The following TBX15 variants were observed in gnomAD, a reference collection of about 807,000 sequenced individuals.
TBX15 encodes the protein T-box transcription factor TBX15.
In TBX15, 18 loss-of-function variants were observed where a neutral mutation model predicts 53.9. The ratio of observed to expected loss-of-function variants is 0.33; its 90% confidence interval spans 0.23 to 0.49. TBX15 has a LOEUF of 0.49. Among genes scored for constraint, TBX15 ranks in the 20% least tolerant of loss-of-function variants. The pLI is 0.98. For synonymous variants in TBX15, 295 were observed against 278.0 expected (o/e 1.06, Z -0.61); for missense variants, 692 against 749.5 (o/e 0.92, Z 0.90).
Position 118,980,980 on chromosome 1 carries a change from G to A in TBX15, c.205+6611C>T, listed in dbSNP as rs1256144837. ...CCCAAGTAGCTGGGATTACAGGCCC[G>A]CACCACCACACCTGGCTAAAATTTG... On this transcript the variant is annotated intron_variant, in intron 1 of 7. Transcript: ENST00000369429. 3.3e-5 allele frequency among the ~76,000 whole-genome samples: 5 copies of A among 152,026 alleles called. 1 individual carries two copies. The highest frequency in any genetic ancestry group is 6.3e-3 in the Middle Eastern group (2 of 316).
At chr1:118,911,135 T>C (rs1655013548) in intron 6 of TBX15, among the ~76,000 whole-genome samples, 2 of 152,178 alleles carry the variant, frequency 1.3e-5, no homozygotes, top group Admixed American at 1.3e-4. Flanking sequence ...CAGAGTCGGT[T>C]TTAATACCTG....
intron 6 of TBX15, among the ~76,000 whole-genome samples, chr1:118,904,612 G>A (rs534484238): frequency 6.6e-6 from 1 of 152,320 alleles, no homozygotes; most frequent in African/African-American, 2.4e-5. Flanking sequence ...CTTACCAAGT[G>A]ATTCCCAACT....
In TBX15 at chr1:118,926,497, G is replaced by C. The variant is rs1557886967; in HGVS notation, c.521+13C>G. On this transcript the variant is annotated intron_variant, in intron 3 of 7. Coordinates refer to ENST00000369429, the MANE Select transcript of TBX15 (RefSeq NM_001330677.2). The stretch of plus-strand genomic sequence containing the variant: ...GTGATACCCACATTTCCACATCCCA[G>C]AGTTATTGTTACCTGTATCTTTTAT... 6.2e-7 allele frequency: 1 copy of C among 1,608,258 alleles called. No homozygotes were observed. The highest frequency in any genetic ancestry group is 8.5e-7 in the Non-Finnish European group (1 of 1,175,178).
intron 6 of TBX15, among the ~76,000 whole-genome samples, chr1:118,913,389 C>G (rs758789297): frequency 6.6e-6 from 1 of 152,176 alleles, no homozygotes; most frequent in Non-Finnish European, 1.5e-5. Context: ...CATTTTGATT[C>G]TCTCCTAACT....
chr1:118,962,561 G>A (rs952178940), intron 1 of TBX15, among the ~76,000 whole-genome samples: 2 of 152,122 alleles, frequency 1.3e-5, no homozygotes, highest in Admixed American at 1.3e-4. Context: ...ATGAACTTCA[G>A]TGAACCACCT....
chr1:118,905,084 A>G lies in TBX15; in HGVS notation c.927-5959T>C, dbSNP rs577600759. On this transcript the variant is annotated intron_variant, in intron 6 of 7. Transcript: ENST00000369429. ...GTCTAACTCAAGCAAAAGAATTACA[A>G]TCATTCTCCTCAGACTGTAACCTAT... Among the ~76,000 whole-genome samples the G allele has an allele frequency of 1.5e-3, 221 of 152,326 alleles. 1 individual carries two copies. The highest frequency in any genetic ancestry group is 0.01 in the Middle Eastern group (3 of 294).
At chr1:118,930,367 C>A (rs1655738816) in intron 2 of TBX15, among the ~76,000 whole-genome samples, 1 of 152,120 alleles carries the variant, frequency 6.6e-6, no homozygotes, top group African/African-American at 2.4e-5. Flanking sequence ...TGAACTATTC[C>A]TATATGCTGA....
chr1:118,933,896 A>G (rs1655882323), intron 1 of TBX15, among the ~76,000 whole-genome samples: 1 of 152,226 alleles, frequency 6.6e-6, no homozygotes. Flanking sequence ...AAAATTGGAA[A>G]GAGACACCTT....
chr1:118,968,089 C>T (rs1571212278), intron 1 of TBX15, among the ~76,000 whole-genome samples: 2 of 152,348 alleles, frequency 1.3e-5, no homozygotes, highest in Middle Eastern at 3.4e-3. Context: ...GTTTCCGGAG[C>T]ACTGTGACCA....
chr1:118,972,592 C>A (rs933759633), intron 1 of TBX15, among the ~76,000 whole-genome samples: 2 of 151,962 alleles, frequency 1.3e-5, no homozygotes, highest in African/African-American at 2.4e-5. Context: ...CAAATGGTTT[C>A]TTTTCCTTTC....
rs200233991 is a variant in TBX15, at chr1:118,930,394, G to GTATT, written c.419+1221_419+1224dup. Among the ~76,000 whole-genome samples, 82 of 152,184 alleles carry GTATT rather than the reference G, an allele frequency of 5.4e-4. No homozygotes were observed. The East Asian group carries it at 0.014, about 27-fold the overall frequency. On this transcript the variant is annotated intron_variant, in intron 2 of 7. Coordinates refer to ENST00000369429, the MANE Select transcript of TBX15 (RefSeq NM_001330677.2). ...ATATGCTGAAAAGCTTAGTCCAAAT[G>GTATT]TATTTATTTATTTATTTGTTTGTTT...
At chr1:118,888,392 G>A (rs891716669) in intron 7 of TBX15, among the ~76,000 whole-genome samples, 3 of 152,194 alleles carry the variant, frequency 2.0e-5, no homozygotes, top group Non-Finnish European at 4.4e-5. Flanking sequence ...TTGATATAAT[G>A]AAGGATCTCT....
chr1:118,896,708 TC>T (rs1194403572), intron 7 of TBX15, among the ~76,000 whole-genome samples: 4 of 152,160 alleles, frequency 2.6e-5, no homozygotes, highest in Admixed American at 6.5e-5. Flanking sequence ...TCCTCTCTAT[TC>T]CTTCTAAGAT....
intron 1 of TBX15, among the ~76,000 whole-genome samples, chr1:118,932,565 T>C (rs1655831668): frequency 1.3e-5 from 2 of 152,150 alleles, no homozygotes; most frequent in East Asian, 1.9e-4. Flanking sequence ...GACACCTTGA[T>C]TGGTTTCTGA....
intron 1 of TBX15, among the ~76,000 whole-genome samples, chr1:118,963,608 G>A (rs1025129548): frequency 6.6e-6 from 1 of 152,186 alleles, no homozygotes; most frequent in African/African-American, 2.4e-5. Flanking sequence ...GTGTTGAGAT[G>A]GTGGAACTAT....
intron 7 of TBX15, among the ~76,000 whole-genome samples, chr1:118,898,768 C>A (rs151227595): frequency 1.1e-4 from 17 of 152,236 alleles, no homozygotes; most frequent in Non-Finnish European, 2.1e-4. Flanking sequence ...ATAATAATAT[C>A]ATCATCATTA....
chr1:118,908,142 C>T (rs1654899014), intron 6 of TBX15, among the ~76,000 whole-genome samples: 1 of 152,170 alleles, frequency 6.6e-6, no homozygotes, highest in African/African-American at 2.4e-5. Context: ...ACCTGATTTC[C>T]CCCTGGCTGG....
chr1:118,887,497 A>T (rs1653984662), intron 7 of TBX15, among the ~76,000 whole-genome samples: 2 of 152,128 alleles, frequency 1.3e-5, no homozygotes, highest in African/African-American at 4.8e-5. Flanking sequence ...CTACATGGTG[A>T]AACCCCGTCT....
chr1:118,906,169 T>C (rs1436254248), intron 6 of TBX15, among the ~76,000 whole-genome samples: 4 of 152,208 alleles, frequency 2.6e-5, no homozygotes, highest in South Asian at 2.1e-4. Context: ...ACAATAAATA[T>C]ATGAGGTTAA....
Sources: allele counts gnomAD v4.1 joint callset (sites outside exome capture counted in the v4.1 genomes callset), GRCh38; gene constraint gnomAD v4.1.1; transcripts MANE v1.5; gene names NCBI Gene and HGNC (gene_info 2026-07-23, HGNC 2026-07-21).